Variants in DACH1 observed in about 807,000 individuals in gnomAD.
DACH1 encodes dachshund homolog 1.
In DACH1, 12 loss-of-function variants were observed where a neutral mutation model predicts 54.2. The observed-to-expected ratio is 0.22, with a 90% CI of 0.14 to 0.36. The LOEUF (loss-of-function observed/expected upper bound fraction) is 0.36. DACH1 is among the 10% of genes least tolerant of loss of function. The pLI, the probability that DACH1 is intolerant of heterozygous loss-of-function variation, is 1.00. For missense variants in DACH1, 805 were observed against 929.8 expected (o/e 0.87, Z 1.75); for synonymous variants, 386 against 366.2 (o/e 1.05, Z -0.62).
chr13:71,556,940 G>T, intron 6 of DACH1, 84 bp downstream of exon 6: 1 of 1,329,316 alleles, frequency 7.5e-7, no homozygotes, highest in South Asian at 1.6e-5. Flanking sequence ...ACATGATGTA[G>T]AGATAGACTT....
At chr13:71,833,889 C>A (rs898172024) in intron 1 of DACH1, among the ~76,000 whole-genome samples, 6 of 152,002 alleles carry the variant, frequency 3.9e-5, no homozygotes, top group African/African-American at 1.4e-4. Context: ...GATTAATTCT[C>A]TGAAATAGCA....
At chr13:71,514,239 G>C (rs892036365) in intron 6 of DACH1, among the ~76,000 whole-genome samples, 4 of 151,788 alleles carry the variant, frequency 2.6e-5, no homozygotes, top group Admixed American at 2.0e-4. Flanking sequence ...TAAACATATA[G>C]GCTTTGATAT....
At chr13:71,569,046 G>A (rs1885050465) in intron 4 of DACH1, among the ~76,000 whole-genome samples, 1 of 152,076 alleles carries the variant, frequency 6.6e-6, no homozygotes, top group African/African-American at 2.4e-5. Context: ...CAAGGCTTTA[G>A]CAGACTCTCT....
chr13:71,621,952 G>C (rs1876277579), intron 3 of DACH1, among the ~76,000 whole-genome samples: 1 of 151,962 alleles, frequency 6.6e-6, no homozygotes, highest in South Asian at 2.1e-4. Context: ...ATGACCTGCT[G>C]TTAAAGAAAA....
chr13:71,594,522 T>G (rs1873956466), intron 3 of DACH1, among the ~76,000 whole-genome samples: 1 of 152,104 alleles, frequency 6.6e-6, no homozygotes, highest in South Asian at 2.1e-4. Flanking sequence ...AGCCATAAAA[T>G]TCAATTAAAA....
intron 1 of DACH1, among the ~76,000 whole-genome samples, chr13:71,832,254 T>C (rs936721567): frequency 1.3e-5 from 2 of 151,962 alleles, no homozygotes; most frequent in African/African-American, 4.8e-5. Context: ...AGAATATTTA[T>C]TTCTTCAAAA....
At position 71,439,428 on chromosome 13, in the gene DACH1, C is replaced by T. The variant is rs1045843616; in HGVS notation, c.*1227G>A. Reference sequence around the variant, plus strand: ...TCTGACAAGGGTGGGAAGCACAGCACATTTTAACTTTATCACTCAGCGCTA... The same window carrying T: ...TCTGACAAGGGTGGGAAGCACAGCATATTTTAACTTTATCACTCAGCGCTA... On this transcript the variant is annotated 3_prime_UTR_variant, in exon 11 of 11. Coordinates refer to ENST00000613252, the MANE Select transcript of DACH1 (RefSeq NM_080759.6). The T allele has an allele frequency of 2.0e-5, 3 of 152,610 alleles. No homozygotes were observed. Among genetic ancestry groups the T allele is most frequent in the Admixed American group, 6.5e-5 (1 of 15,268 alleles). 9.5% of individuals were successfully genotyped at this position (152,610 alleles called of 1,614,324 possible). A position where few individuals can be genotyped will look rare whatever the true frequency, so the allele number is the denominator to read the frequency against.
rs556921652 is a variant in DACH1, at chr13:71,582,234, C to T, written c.1127-9222G>A. Among the ~76,000 whole-genome samples, 6 of 152,208 alleles carry T rather than the reference C, an allele frequency of 3.9e-5. 1 individual carries two copies. The highest frequency in any genetic ancestry group is 1.2e-4 in the African/African-American group (5 of 41,558). On this transcript the variant is annotated intron_variant, in intron 3 of 10. Transcript: ENST00000613252. The stretch of plus-strand genomic sequence containing the variant: ...CTCCTATAGTTTAATACAAGTTACA[C>T]AGATTATAATAAATTCTTAGCACAA...
chr13:71,619,801 G>A (rs1405482688), intron 3 of DACH1, among the ~76,000 whole-genome samples: 2 of 151,862 alleles, frequency 1.3e-5, no homozygotes, highest in Non-Finnish European at 2.9e-5. Context: ...ATATTATCAA[G>A]TAAGGATTCT....
chr13:71,784,242 ACTT>A (rs566629464), intron 1 of DACH1, among the ~76,000 whole-genome samples: 4 of 152,080 alleles, frequency 2.6e-5, no homozygotes, highest in Non-Finnish European at 5.9e-5. Flanking sequence ...AACTTCTAGA[ACTT>A]CTATGTGTAG....
rs112993113 is a variant in DACH1 at position 71,782,414 on chromosome 13, C to G, written c.848+83508G>C. On this transcript the variant is annotated intron_variant, in intron 1 of 10. Coordinates refer to ENST00000613252, the MANE Select transcript of DACH1 (RefSeq NM_080759.6). Reference sequence around the variant, plus strand: ...TGCAGACCATGCCACTGCACTCCAGCCTGTGGACAGCAGGAGACTGTCTCA... The same window carrying G: ...TGCAGACCATGCCACTGCACTCCAGGCTGTGGACAGCAGGAGACTGTCTCA... 4.6e-5 allele frequency among the ~76,000 whole-genome samples: 7 copies of G among 152,018 alleles called. 2 individuals are homozygous for G. The highest frequency in any genetic ancestry group is 1.7e-4 in the African/African-American group (7 of 41,436).
At chr13:71,499,205 A>G (rs1015075769) in intron 6 of DACH1, among the ~76,000 whole-genome samples, 1 of 38,812 alleles carries the variant, frequency 2.6e-5, no homozygotes, top group Non-Finnish European at 7.3e-5. Context: ...TCTGCTTGAC[A>G]TAAGTCATCA....
intron 1 of DACH1, among the ~76,000 whole-genome samples, chr13:71,830,224 T>C (rs1888531663): frequency 6.6e-6 from 1 of 151,866 alleles, no homozygotes; most frequent in South Asian, 2.1e-4. Context: ...ATCTTATTTA[T>C]ATAGGCAAAA....
At chr13:71,651,316 G>A (rs1308319749) in intron 2 of DACH1, among the ~76,000 whole-genome samples, 1 of 150,862 alleles carries the variant, frequency 6.6e-6, no homozygotes, top group Admixed American at 6.6e-5. Flanking sequence ...GCAGTGAGCT[G>A]TGTTTTGCAC....
intron 10 of DACH1, among the ~76,000 whole-genome samples, chr13:71,452,906 T>A (rs547214911): frequency 6.6e-6 from 1 of 152,378 alleles, no homozygotes; most frequent in African/African-American, 2.4e-5. Flanking sequence ...TATTAAGTTA[T>A]CTTTTAAAAG....
At chr13:71,804,361 G>A (rs923250216) in intron 1 of DACH1, among the ~76,000 whole-genome samples, 2 of 152,064 alleles carry the variant, frequency 1.3e-5, no homozygotes, top group Non-Finnish European at 2.9e-5. Context: ...GCAGCTATGG[G>A]AGAATGCACC....
Position 71,866,663 on chromosome 13 carries a change from G to C in DACH1, c.107C>G (p.Ala36Gly). 1 of 1,437,816 alleles carries C rather than the reference G, an allele frequency of 7.0e-7. No homozygotes were observed. The highest frequency in any genetic ancestry group is 9.2e-7 in the Non-Finnish European group (1 of 1,087,176). The allele number at this position is 1,437,816 out of a possible 1,614,324, so 89.1% of individuals were successfully genotyped here. The stretch of plus-strand genomic sequence containing the variant: ...GATGGAAGGAGCCGGAGACGAAGTC[G>C]CCGAAGAGGTGGAGGTGGTGGTGCC... ...SSGTTTSTSS[A>G]TSSPAPSIGP... Residue 36 changes from alanine to glycine, a missense_variant, in exon 1 of 11, where the codon GCG becomes GGG. By Grantham distance (60) the Ala-to-Gly change is moderately conservative. Around this residue, in one of 3 missense-constraint regions of DACH1, gnomAD observed 305 missense variants for 308.7 expected, o/e 0.99. Transcript: ENST00000613252.
At chr13:71,643,631 C>CG (rs1428274670) in intron 2 of DACH1, among the ~76,000 whole-genome samples, 4 of 152,078 alleles carry the variant, frequency 2.6e-5, no homozygotes, top group Non-Finnish European at 5.9e-5. Flanking sequence ...TATTATCTTA[C>CG]GCTATGAGTT....
intron 6 of DACH1, among the ~76,000 whole-genome samples, chr13:71,549,175 A>T (rs1214494457): frequency 2.6e-5 from 4 of 152,126 alleles, no homozygotes; most frequent in African/African-American, 9.6e-5. Context: ...CTTAGATGAA[A>T]GCAATAAAAT....
Sources: allele counts gnomAD v4.1 joint callset (sites outside exome capture counted in the v4.1 genomes callset), GRCh38; gene constraint gnomAD v4.1.1; regional missense constraint gnomAD v4.1.1; transcripts MANE v1.5; gene names NCBI Gene and HGNC (gene_info 2026-07-23, HGNC 2026-07-21).